WWOX: variants seen among roughly 807,000 people sequenced by gnomAD.
WWOX encodes WW domain containing oxidoreductase, also known as WW domain-containing oxidoreductase.
WWOX carries 69 observed loss-of-function variants against 46.2 expected under a neutral mutation model. The observed-to-expected ratio is 1.49, with a 90% CI of 1.23 to 1.82. The LOEUF (loss-of-function observed/expected upper bound fraction) is 1.82. WWOX is among the 40% of genes most tolerant of loss of function. WWOX has a pLI of 0.00. For missense variants in WWOX, 919 were observed against 542.6 expected (o/e 1.69, Z -6.89); for synonymous variants, 359 against 202.6 (o/e 1.77, Z -6.56).
chr16:78,471,069 G>A (rs1053457210), intron 8 of WWOX, among the ~76,000 whole-genome samples: 3 of 152,152 alleles, frequency 2.0e-5, no homozygotes, highest in African/African-American at 7.2e-5. Context: ...TCCTACCCTG[G>A]ATGCTGATTT....
chr16:78,716,241 A>G (rs893588304), intron 8 of WWOX, among the ~76,000 whole-genome samples: 28 of 152,098 alleles, frequency 1.8e-4, no homozygotes, highest in African/African-American at 5.6e-4. Flanking sequence ...AAATTGTGCT[A>G]TCATGAACGG....
intron 8 of WWOX, among the ~76,000 whole-genome samples, chr16:78,880,880 A>G (rs1033355716): frequency 4.6e-5 from 7 of 151,852 alleles, no homozygotes; most frequent in Admixed American, 3.3e-4. Context: ...TGTCTATGAT[A>G]TCAGATCAGG....
chr16:78,843,081 C>G (rs1031014042), intron 8 of WWOX, among the ~76,000 whole-genome samples: 2 of 149,966 alleles, frequency 1.3e-5, no homozygotes, highest in Admixed American at 6.7e-5. Context: ...TTTTGGCAAT[C>G]ACTTCTCTTG....
At position 78,471,707 on chromosome 16, in the gene WWOX, A is replaced by C. The variant is rs548179822; in HGVS notation, c.1056+38955A>C. On this transcript the variant is annotated intron_variant, in intron 8 of 8. Transcript: ENST00000566780. ...TTGGGCCACATTGGTTGGAAGATAAAAATATATAAGCAATAGTCCCTGAAC... is the reference window on the plus strand; with the variant it reads ...TTGGGCCACATTGGTTGGAAGATAACAATATATAAGCAATAGTCCCTGAAC... 5.9e-5 allele frequency among the ~76,000 whole-genome samples: 9 copies of C among 152,318 alleles called. No individual in the cohort carries two copies. In the South Asian group the frequency reaches 1.2e-3, roughly 21 times the overall value.
chr16:78,929,052 T>C (rs191713431), intron 8 of WWOX, among the ~76,000 whole-genome samples: 97 of 152,350 alleles, frequency 6.4e-4, no homozygotes, highest in African/African-American at 2.1e-3. Context: ...ATTTCCTTTT[T>C]GCCTTCAAAT....
chr16:79,005,228 C>G (rs929177986), intron 8 of WWOX, among the ~76,000 whole-genome samples: 1 of 152,096 alleles, frequency 6.6e-6, no homozygotes, highest in African/African-American at 2.4e-5. Flanking sequence ...CATCTCCACC[C>G]ACCTACAGCT....
chr16:78,564,198 T>C (rs1040202287), intron 8 of WWOX, among the ~76,000 whole-genome samples: 4 of 152,216 alleles, frequency 2.6e-5, no homozygotes, highest in Admixed American at 6.5e-5. Flanking sequence ...AGCTGTTGTT[T>C]ATAGCCACTA....
In WWOX at chr16:78,917,797, G is replaced by C. The variant is rs114439760; in HGVS notation, c.1057-293811G>C. On this transcript the variant is annotated intron_variant, in intron 8 of 8. Coordinates refer to ENST00000566780, the MANE Select transcript of WWOX (RefSeq NM_016373.4). ...ATATCTGCTAGTTTTTAAAGTTTGAGAAAAACCCGTATTGTGGAATGAAAA... is the reference window on the plus strand; with the variant it reads ...ATATCTGCTAGTTTTTAAAGTTTGACAAAAACCCGTATTGTGGAATGAAAA... Among the ~76,000 whole-genome samples the C allele has an allele frequency of 1.6e-3, 237 of 152,026 alleles. 1 individual carries two copies. The highest frequency in any genetic ancestry group is 5.3e-3 in the African/African-American group (218 of 41,464).
intron 8 of WWOX, among the ~76,000 whole-genome samples, chr16:78,839,071 G>A (rs964194261): frequency 2.6e-5 from 4 of 152,216 alleles, no homozygotes; most frequent in African/African-American, 7.2e-5. Flanking sequence ...TGGATCAAGG[G>A]TGCATGAGAT....
intron 8 of WWOX, among the ~76,000 whole-genome samples, chr16:79,058,553 G>A (rs1295726773): frequency 1.3e-5 from 2 of 152,128 alleles, no homozygotes; most frequent in African/African-American, 2.4e-5. Flanking sequence ...ATGATATAGG[G>A]AATTGAAAAG....
At chr16:79,035,717 T>G (rs1222009611) in intron 8 of WWOX, among the ~76,000 whole-genome samples, 1 of 151,968 alleles carries the variant, frequency 6.6e-6, no homozygotes, top group African/African-American at 2.4e-5. Context: ...GTTTGTATTT[T>G]TAGTAGGGAC....
At chr16:78,562,628 A>G (rs1205975826) in intron 8 of WWOX, among the ~76,000 whole-genome samples, 1 of 152,292 alleles carries the variant, frequency 6.6e-6, no homozygotes, top group African/African-American at 2.4e-5. Flanking sequence ...GCCTGTTTCC[A>G]TACATAGCTC....
intron 8 of WWOX, among the ~76,000 whole-genome samples, chr16:78,935,873 C>G (rs939398076): frequency 5.9e-5 from 9 of 152,040 alleles, no homozygotes; most frequent in Non-Finnish European, 1.2e-4. Flanking sequence ...CATCACACCA[C>G]TGCACTTCGG....
intron 8 of WWOX, among the ~76,000 whole-genome samples, chr16:78,950,962 T>C (rs2046047653): frequency 1.3e-5 from 2 of 152,188 alleles, no homozygotes; most frequent in Non-Finnish European, 2.9e-5. Flanking sequence ...TCCGGTTCTT[T>C]CCAGCCCCGC....
intron 8 of WWOX, among the ~76,000 whole-genome samples, chr16:78,591,347 T>C (rs2045347585): frequency 6.6e-6 from 1 of 152,126 alleles, no homozygotes; most frequent in South Asian, 2.1e-4. Context: ...AAATGAAGCA[T>C]CTGGGACCAC....
At chr16:78,865,772 C>G (rs2043990152) in intron 8 of WWOX, among the ~76,000 whole-genome samples, 1 of 152,138 alleles carries the variant, frequency 6.6e-6, no homozygotes. Context: ...CCCAGCTACT[C>G]AGGAGACGGA....
intron 8 of WWOX, among the ~76,000 whole-genome samples, chr16:78,997,968 C>A (rs1054377407): frequency 6.6e-6 from 1 of 152,118 alleles, no homozygotes; most frequent in Non-Finnish European, 1.5e-5. Flanking sequence ...TCTCTGCCTC[C>A]TGGGTTCAAG....
rs189483272 is a variant in WWOX, at chr16:78,150,405, C to G, written c.410-13778C>G. 6.1e-3 allele frequency among the ~76,000 whole-genome samples: 927 copies of G among 152,228 alleles called. 16 individuals carry two copies. Among genetic ancestry groups the G allele is most frequent in the African/African-American group, 0.022 (900 of 41,524 alleles). On this transcript the variant is annotated intron_variant, in intron 4 of 8. Coordinates refer to ENST00000566780, the MANE Select transcript of WWOX (RefSeq NM_016373.4). ...TGTTGTTTTGAGATAGGGTCTCGCT[C>G]TGTTGCCCAGGCTGCAGTGCAGTGG... is the stretch of plus-strand genomic sequence containing the variant.
intron 8 of WWOX, among the ~76,000 whole-genome samples, chr16:78,433,742 C>G (rs1351163815): frequency 6.6e-6 from 1 of 151,494 alleles, no homozygotes; most frequent in Non-Finnish European, 1.5e-5. Flanking sequence ...CACTCATTCC[C>G]ACCTGCCACC....
Sources: gnomAD v4.1 joint callset for allele counts (sites outside exome capture counted in the v4.1 genomes callset) on GRCh38, gnomAD v4.1.1 for gene constraint, MANE v1.5 for transcripts, NCBI Gene and HGNC (gene_info 2026-07-23, HGNC 2026-07-21) for gene names.